TLE4: variants seen among roughly 807,000 people sequenced by gnomAD.
TLE4 encodes the protein transducin-like enhancer protein 4.
In TLE4, 8 loss-of-function variants were observed where a neutral mutation model predicts 92.8. The observed-to-expected ratio is 0.09, with a 90% CI of 0.05 to 0.16. TLE4 has a LOEUF of 0.16. Among genes scored for constraint, TLE4 ranks in the 10% least tolerant of loss-of-function variants. The probability of loss-of-function intolerance (pLI) is 1.00; values close to 1 mark genes in which losing one functional copy is unlikely to be tolerated. For synonymous variants in TLE4, 371 were observed against 374.1 expected, an observed-to-expected ratio of 0.99 and a Z score of 0.10; for missense variants, 675 against 997.6, an observed-to-expected ratio of 0.68 and a Z score of 4.36.
chr9:79,725,429 A>C lies in TLE4; in HGVS notation c.*285A>C. On this transcript the variant is annotated 3_prime_UTR_variant, in exon 20 of 20. Transcript: ENST00000376552. ...TAATTATGTATTATATCTGTAATATATTTATTTTGTTTAAAGAAGGCTTTC... is the reference window on the plus strand; with the variant it reads ...TAATTATGTATTATATCTGTAATATCTTTATTTTGTTTAAAGAAGGCTTTC... 1 of 195,734 alleles carries C rather than the reference A, an allele frequency of 5.1e-6. No individual in the cohort carries two copies. Among genetic ancestry groups the C allele is most frequent in the South Asian group, 1.1e-4 (1 of 9,410 alleles). 12.1% of individuals were successfully genotyped at this position (195,734 alleles called of 1,614,324 possible).
intron 11 of TLE4, among the ~76,000 whole-genome samples, chr9:79,707,634 T>G (rs1588490287): frequency 6.6e-6 from 1 of 152,236 alleles, no homozygotes; most frequent in Non-Finnish European, 1.5e-5. Context: ...TGTTGTTTTT[T>G]TAAATTTTAT....
chr9:79,720,384 GT>G (rs2075396899), intron 16 of TLE4, 91 bp downstream of exon 16: 2 of 365,212 alleles, frequency 5.5e-6, no homozygotes, highest in South Asian at 1.1e-4. Context: ...ATGGGTGTGT[GT>G]GTGTGTGTGT....
chr9:79,710,143 G>T (rs577735697), intron 14 of TLE4, among the ~76,000 whole-genome samples: 1 of 152,314 alleles, frequency 6.6e-6, no homozygotes, highest in South Asian at 2.1e-4. Context: ...TTCTTATACC[G>T]TGCTCTGGGC....
intron 8 of TLE4, among the ~76,000 whole-genome samples, chr9:79,657,002 A>G (rs912568460): frequency 1.1e-4 from 16 of 152,226 alleles, no homozygotes; most frequent in African/African-American, 3.4e-4. Flanking sequence ...TAAGCCTGTT[A>G]TTTGCAGACC....
chr9:79,576,271 G>A (rs201125079), intron 4 of TLE4, 94 bp downstream of exon 4: 18 of 911,448 alleles, frequency 2.0e-5, no homozygotes, highest in South Asian at 6.7e-5. Flanking sequence ...TCTGCAAGCC[G>A]TTGTGGCTAC....
rs763498936 is a variant in TLE4 at position 79,572,786 on chromosome 9, C to T, written c.-5C>T. 8.7e-6 allele frequency: 14 copies of T among 1,601,776 alleles called. No homozygotes were observed. Among genetic ancestry groups the T allele is most frequent in the African/African-American group, 2.7e-5 (2 of 73,392 alleles). On this transcript the variant is annotated 5_prime_UTR_variant, in exon 1 of 20. Coordinates refer to ENST00000376552, the MANE Select transcript of TLE4 (RefSeq NM_007005.6). ...TGCCGAGCGCAGCCAACTAAATCGG[C>T]TTGGATGATTCGCGACCTGAGCAAG...
At chr9:79,610,648 T>A (rs2048159064) in intron 4 of TLE4, among the ~76,000 whole-genome samples, 1 of 152,114 alleles carries the variant, frequency 6.6e-6, no homozygotes. Flanking sequence ...AACGGAAGTT[T>A]GGAAGGTTTC....
intron 5 of TLE4, among the ~76,000 whole-genome samples, chr9:79,623,112 G>A (rs1205015655): frequency 1.3e-5 from 2 of 151,824 alleles, no homozygotes; most frequent in African/African-American, 2.4e-5. Context: ...GAACCTACAG[G>A]TACCCATACT....
At chr9:79,613,086 A>G (rs145771331) in intron 5 of TLE4, among the ~76,000 whole-genome samples, 1 of 152,290 alleles carries the variant, frequency 6.6e-6, no homozygotes, top group East Asian at 1.9e-4. Flanking sequence ...GTCATTGGGC[A>G]TTAAGAATTG....
chr9:79,573,634 C>G (rs1186759170), intron 1 of TLE4, 55 bp from the exon 2 acceptor site: 1 of 1,430,048 alleles, frequency 7.0e-7, no homozygotes, highest in Non-Finnish European at 9.6e-7. Flanking sequence ...TTTTCTCCGT[C>G]TCCCTGCTTC....
chr9:79,602,249 C>G (rs576804738), intron 4 of TLE4, among the ~76,000 whole-genome samples: 89 of 152,352 alleles, frequency 5.8e-4, no homozygotes, highest in African/African-American at 2.1e-3. Flanking sequence ...TCTAGAAGAT[C>G]TAGCTAAGAT....
At chr9:79,661,420 C>T (rs534844737) in intron 8 of TLE4, among the ~76,000 whole-genome samples, 4 of 152,260 alleles carry the variant, frequency 2.6e-5, no homozygotes, top group African/African-American at 7.2e-5. Flanking sequence ...ACTTTCTACG[C>T]GTAGGACCCA....
intron 4 of TLE4, chr9:79,580,146 G>C (rs1342512799): frequency 6.6e-6 from 1 of 152,206 alleles, no homozygotes; most frequent in East Asian, 1.9e-4. Context: ...CCGAAGCATG[G>C]TGGAGCAGCG....
chr9:79,610,372 C>T lies in TLE4; in HGVS notation c.253-2284C>T, dbSNP rs192789076. ...TGTGTCCACAGTGTTATTGGCTGATCGCTAAAGCCCAGTGGAAAGGCCTGT... is the reference window on the plus strand; with the variant it reads ...TGTGTCCACAGTGTTATTGGCTGATTGCTAAAGCCCAGTGGAAAGGCCTGT... On this transcript the variant is annotated intron_variant, in intron 4 of 19. Transcript: ENST00000376552. 9.7e-4 allele frequency among the ~76,000 whole-genome samples: 148 copies of T among 152,168 alleles called. 1 individual carries two copies. Among genetic ancestry groups the T allele is most frequent in the Admixed American group, 2.6e-3 (40 of 15,270 alleles).
At chr9:79,653,963 T>C (rs754397577) in intron 7 of TLE4, 96 bp from the exon 8 acceptor site, 1 of 1,365,690 alleles carries the variant, frequency 7.3e-7, no homozygotes, top group South Asian at 1.2e-5. Flanking sequence ...AGATCAAGTT[T>C]GATAAATCAG....
intron 8 of TLE4, among the ~76,000 whole-genome samples, chr9:79,666,905 A>T (rs893607135): frequency 6.6e-6 from 1 of 152,220 alleles, no homozygotes; most frequent in Non-Finnish European, 1.5e-5. Flanking sequence ...CTCATACCAT[A>T]CACTGAAGTA....
chr9:79,631,647 T>C (rs2133690101), intron 6 of TLE4, among the ~76,000 whole-genome samples: 1 of 151,428 alleles, frequency 6.6e-6, no homozygotes, highest in African/African-American at 2.4e-5. Flanking sequence ...TGTGTGTGTG[T>C]GTGTGTGTGT....
intron 5 of TLE4, among the ~76,000 whole-genome samples, chr9:79,617,126 A>C (rs2049837428): frequency 6.6e-6 from 1 of 152,200 alleles, no homozygotes; most frequent in Non-Finnish European, 1.5e-5. Flanking sequence ...GAAGAGTTCA[A>C]GGTAATATTT....
At chr9:79,635,908 G>A (rs2055668213) in intron 6 of TLE4, among the ~76,000 whole-genome samples, 1 of 152,086 alleles carries the variant, frequency 6.6e-6, no homozygotes, top group East Asian at 1.9e-4. Context: ...AAGGGAAAGG[G>A]TCTAAGCTCA....
Sources: allele counts gnomAD v4.1 joint callset (sites outside exome capture counted in the v4.1 genomes callset), GRCh38; gene constraint gnomAD v4.1.1; transcripts MANE v1.5; gene names NCBI Gene and HGNC (gene_info 2026-07-23, HGNC 2026-07-21).